Variants in METTL25 observed in about 807,000 individuals in gnomAD.
METTL25 encodes probable methyltransferase-like protein 25.
In METTL25, 64 loss-of-function variants were observed where a neutral mutation model predicts 71.6. That is an observed-to-expected ratio of 0.89 (90% CI 0.73 to 1.10). The LOEUF (loss-of-function observed/expected upper bound fraction) is 1.10. Ranked by LOEUF, METTL25 falls within the 50% of genes least tolerant of loss-of-function variation. METTL25 has a pLI of 0.00. For synonymous variants in METTL25, 287 were observed against 250.3 expected (o/e 1.15, Z -1.38); for missense variants, 807 against 707.0 (o/e 1.14, Z -1.60).
intron 1 of METTL25, among the ~76,000 whole-genome samples, chr12:82,384,826 AT>A (rs1437290387): frequency 6.6e-6 from 1 of 152,114 alleles, no homozygotes; most frequent in Non-Finnish European, 1.5e-5. Context: ...ACATTGTCCA[AT>A]AGCTAACTAT....
chr12:82,400,196 G>T (rs1886476296), intron 4 of METTL25, among the ~76,000 whole-genome samples: 1 of 151,866 alleles, frequency 6.6e-6, no homozygotes. Flanking sequence ...GCCGGGTGTG[G>T]TGGCAGGTGC....
intron 9 of METTL25, among the ~76,000 whole-genome samples, chr12:82,466,632 C>A (rs905717918): frequency 6.6e-6 from 1 of 152,032 alleles, no homozygotes; most frequent in Non-Finnish European, 1.5e-5. Flanking sequence ...CAGTTTAAAT[C>A]TAATGGGTTT....
intron 1 of METTL25, among the ~76,000 whole-genome samples, chr12:82,382,301 T>G (rs534194491): frequency 6.6e-6 from 1 of 152,354 alleles, no homozygotes; most frequent in African/African-American, 2.4e-5. Context: ...TGTGTGATAA[T>G]GATGTTAGTG....
intron 2 of METTL25, among the ~76,000 whole-genome samples, 159 bp downstream of exon 2, chr12:82,387,126 C>T (rs1014433668): frequency 2.0e-5 from 3 of 152,070 alleles, no homozygotes; most frequent in African/African-American, 7.2e-5. Context: ...TAGGTTTTCC[C>T]CTTGTACTAT....
chr12:82,445,388 T>C lies in METTL25; in HGVS notation c.1478+6597T>C, dbSNP rs184384663. ...TGTAAACTAATGTAAGTATGAAATA[T>C]TAAATTATAACCACATTAAATTAGC... On this transcript the variant is annotated intron_variant, in intron 8 of 11. Coordinates refer to ENST00000248306, the MANE Select transcript of METTL25 (RefSeq NM_032230.3). Among the ~76,000 whole-genome samples the C allele has an allele frequency of 3.9e-4, 60 of 152,330 alleles. No homozygotes were observed. In the East Asian group the frequency reaches 0.01, roughly 26 times the overall value.
intron 3 of METTL25, among the ~76,000 whole-genome samples, chr12:82,394,245 C>T (rs1195571916): frequency 3.3e-5 from 5 of 151,936 alleles, no homozygotes; most frequent in Admixed American, 3.3e-4. Flanking sequence ...GTTTCTTTGC[C>T]TACTTTCTGT....
chr12:82,391,556 G>GTGTA (rs1160304015), intron 3 of METTL25, among the ~76,000 whole-genome samples: 1 of 151,594 alleles, frequency 6.6e-6, no homozygotes, highest in South Asian at 2.1e-4. Context: ...GTGTGTGTGT[G>GTGTA]TATAAATGTT....
intron 3 of METTL25, among the ~76,000 whole-genome samples, chr12:82,391,989 T>A (rs1885631438): frequency 6.6e-6 from 1 of 151,716 alleles, no homozygotes; most frequent in African/African-American, 2.4e-5. Flanking sequence ...TTAGTGATAT[T>A]GGACATTTTT....
chr12:82,445,719 C>T (rs1890687986), intron 8 of METTL25, among the ~76,000 whole-genome samples: 1 of 152,168 alleles, frequency 6.6e-6, no homozygotes, highest in South Asian at 2.1e-4. Flanking sequence ...AGTTGATTTG[C>T]TTGATATGTA....
intron 6 of METTL25, among the ~76,000 whole-genome samples, chr12:82,432,827 T>C (rs1889619796): frequency 2.1e-5 from 3 of 146,262 alleles, no homozygotes. Flanking sequence ...ATAACTGACA[T>C]TTTTGAAAAA....
chr12:82,360,598 A>T (rs1274870551), intron 1 of METTL25, among the ~76,000 whole-genome samples: 1 of 152,058 alleles, frequency 6.6e-6, no homozygotes, highest in African/African-American at 2.4e-5. Flanking sequence ...ATAAGAAAAA[A>T]ACCGAGCCAT....
intron 7 of METTL25, among the ~76,000 whole-genome samples, chr12:82,435,474 C>G (rs1298442965): frequency 6.6e-6 from 1 of 151,406 alleles, no homozygotes; most frequent in Non-Finnish European, 1.5e-5. Flanking sequence ...TTAATATATA[C>G]ACTGTGCCTA....
chr12:82,469,163 A>G (rs902570590), intron 9 of METTL25, among the ~76,000 whole-genome samples: 1 of 152,148 alleles, frequency 6.6e-6, no homozygotes, highest in African/African-American at 2.4e-5. Flanking sequence ...GGAAATCTGT[A>G]TTTCTGCCTG....
chr12:82,477,040 A>G (rs973278074), intron 10 of METTL25, among the ~76,000 whole-genome samples: 2 of 151,834 alleles, frequency 1.3e-5, no homozygotes, highest in African/African-American at 4.8e-5. Context: ...AAAGCTTTCT[A>G]TCACATATGA....
At chr12:82,396,059 T>G (rs994465918) in intron 3 of METTL25, among the ~76,000 whole-genome samples, 4 of 152,058 alleles carry the variant, frequency 2.6e-5, no homozygotes, top group Admixed American at 1.3e-4. Flanking sequence ...ATTGTACCTT[T>G]TATATGCTTA....
At chr12:82,440,257 T>C (rs2137189831) in intron 8 of METTL25, among the ~76,000 whole-genome samples, 1 of 151,984 alleles carries the variant, frequency 6.6e-6, no homozygotes, top group East Asian at 1.9e-4. Flanking sequence ...GGATCCTTAC[T>C]ACAAATGACT....
intron 1 of METTL25, among the ~76,000 whole-genome samples, chr12:82,362,659 A>C (rs542053213): frequency 6.6e-6 from 1 of 152,274 alleles, no homozygotes; most frequent in East Asian, 1.9e-4. Flanking sequence ...CTCTTTGAGA[A>C]TTTTGTGTGG....
At chr12:82,405,508 T>C (rs1378888826) in intron 5 of METTL25, among the ~76,000 whole-genome samples, 1 of 152,180 alleles carries the variant, frequency 6.6e-6, no homozygotes, top group Non-Finnish European at 1.5e-5. Flanking sequence ...TTAAAAAAAG[T>C]AGCAGAAGTT....
At chr12:82,387,715 G>GCGCA (rs1555204987) in intron 2 of METTL25, among the ~76,000 whole-genome samples, 9,620 of 150,662 alleles carry the variant, frequency 0.064, 343 homozygotes, top group Middle Eastern at 0.12. Context: ...ACACACACGC[G>GCGCA]CACACACACA....
Sources: gnomAD v4.1 joint callset for allele counts (sites outside exome capture counted in the v4.1 genomes callset) on GRCh38, gnomAD v4.1.1 for gene constraint, MANE v1.5 for transcripts, NCBI Gene and HGNC (gene_info 2026-07-23, HGNC 2026-07-21) for gene names.